The following PPP2R5A variants were observed in gnomAD, a reference collection of about 807,000 sequenced individuals.
PPP2R5A encodes the protein protein phosphatase 2 regulatory subunit B'alpha, also known as serine/threonine-protein phosphatase 2A 56 kDa regulatory subunit alpha isoform.
Under a neutral mutation model 64.2 loss-of-function variants are expected in PPP2R5A, and 25 were observed. The observed-to-expected ratio is 0.39, with a 90% CI of 0.28 to 0.54. PPP2R5A has a LOEUF of 0.54. Among genes scored for constraint, PPP2R5A ranks in the 20% least tolerant of loss-of-function variants. The pLI is 0.67. For synonymous variants in PPP2R5A, 198 were observed against 201.2 expected (o/e 0.98, Z 0.13); for missense variants, 425 against 576.3 (o/e 0.74, Z 2.69).
Position 212,348,460 on chromosome 1 carries a change from T to C in PPP2R5A, c.836T>C (p.Met279Thr), listed in dbSNP as rs778186085. 1.1e-5 allele frequency: 17 copies of C among 1,606,094 alleles called. No homozygotes were observed. Among genetic ancestry groups the C allele is most frequent in the Non-Finnish European group, 1.3e-5 (15 of 1,173,888 alleles). Reference protein sequence around the residue: ...KQFLMKVLIPMHTAKGLALFH... With the variant: ...KQFLMKVLIPTHTAKGLALFH... ...TTTCTAATGAAGGTTCTTATTCCTA[T>C]GCATACTGCAAAAGGATTAGCTTTG... The change falls in exon 7 of 13, where the codon ATG (methionine) becomes ACG (threonine). Residue 279 changes from methionine to threonine, a missense_variant. Coordinates refer to ENST00000261461, the MANE Select transcript of PPP2R5A (RefSeq NM_006243.4).
intron 3 of PPP2R5A, among the ~76,000 whole-genome samples, chr1:212,337,713 T>C (rs1317741864): frequency 5.3e-5 from 8 of 152,248 alleles, no homozygotes; most frequent in South Asian, 4.1e-4. Context: ...TTAGTTCTTA[T>C]GGATAAAAGA....
chr1:212,347,980 A>C (rs1308777555), intron 6 of PPP2R5A, among the ~76,000 whole-genome samples: 1 of 152,200 alleles, frequency 6.6e-6, no homozygotes, highest in Non-Finnish European at 1.5e-5. Context: ...ATAGTAGAAA[A>C]TGATTGTGGA....
chr1:212,328,032 C>G (rs1156469448), intron 1 of PPP2R5A, among the ~76,000 whole-genome samples: 2 of 152,230 alleles, frequency 1.3e-5, no homozygotes, highest in Non-Finnish European at 2.9e-5. Context: ...CAAGGCTGGT[C>G]TCGAACTCAT....
Position 212,311,251 on chromosome 1 carries a change from G to A in PPP2R5A, c.182-17884G>A, listed in dbSNP as rs994493080. On this transcript the variant is annotated intron_variant, in intron 1 of 12. Coordinates refer to ENST00000261461, the MANE Select transcript of PPP2R5A (RefSeq NM_006243.4). ...CGGGAGGCTGAGGCAGGCGGATCAC[G>A]AGGTCGGGAGATCGAGACCATCCTG... Among the ~76,000 whole-genome samples the A allele has an allele frequency of 2.6e-5, 4 of 152,126 alleles. 1 individual carries two copies. The highest frequency in any genetic ancestry group is 4.1e-4 in the South Asian group (2 of 4,830).
rs764061578 is a variant in PPP2R5A, at chr1:212,357,302, A to G, written c.1226+18A>G. 2.6e-6 allele frequency: 4 copies of G among 1,518,118 alleles called. No homozygotes were observed. The East Asian group carries it at 9.5e-5, about 36-fold the overall frequency. The allele number at this position is 1,518,118 out of a possible 1,614,324, so 94.0% of individuals were successfully genotyped here. A position where few individuals can be genotyped will look rare whatever the true frequency, so the allele number is the denominator to read the frequency against. The stretch of plus-strand genomic sequence containing the variant: ...TGGAATCCGTAAGTATCTTTTATAT[A>G]GGTCGTATTTTTTTCTTTTTTTTTT... On this transcript the variant is annotated intron_variant, in intron 11 of 12. Coordinates refer to ENST00000261461, the MANE Select transcript of PPP2R5A (RefSeq NM_006243.4).
intron 1 of PPP2R5A, among the ~76,000 whole-genome samples, chr1:212,318,289 C>G (rs1442904853): frequency 7.3e-6 from 1 of 136,246 alleles, no homozygotes; most frequent in Non-Finnish European, 1.7e-5. Flanking sequence ...CAAGGCATAT[C>G]TGTTTTTTTT....
At chr1:212,310,393 C>T (rs1659007085) in intron 1 of PPP2R5A, among the ~76,000 whole-genome samples, 1 of 152,094 alleles carries the variant, frequency 6.6e-6, no homozygotes, top group East Asian at 1.9e-4. Context: ...AAAACCTCCA[C>T]TGTTTTTAAG....
intron 1 of PPP2R5A, among the ~76,000 whole-genome samples, chr1:212,301,078 A>G (rs372947733): frequency 1.2e-4 from 18 of 152,204 alleles, no homozygotes; most frequent in East Asian, 5.8e-4. Flanking sequence ...CAGTGGTGCA[A>G]TCTCCTCACT....
chr1:212,344,561 A>G (rs112515018), intron 4 of PPP2R5A, among the ~76,000 whole-genome samples: 44 of 152,334 alleles, frequency 2.9e-4, no homozygotes, highest in African/African-American at 9.6e-4. Context: ...AATTATAAAC[A>G]CGAAAGTTCA....
chr1:212,317,425 T>A (rs58843897), intron 1 of PPP2R5A, among the ~76,000 whole-genome samples: 1 of 152,274 alleles, frequency 6.6e-6, no homozygotes, highest in South Asian at 2.1e-4. Context: ...CTTTATGATC[T>A]TGGGCATGCT....
At chr1:212,336,399 G>A (rs1376117194) in intron 3 of PPP2R5A, among the ~76,000 whole-genome samples, 1 of 152,160 alleles carries the variant, frequency 6.6e-6, no homozygotes, top group Non-Finnish European at 1.5e-5. Flanking sequence ...ACAGGCATGA[G>A]CCACTGTGTC....
chr1:212,285,815 C>G lies in PPP2R5A; in HGVS notation c.-296C>G. The G allele has an allele frequency of 6.4e-6, 2 of 310,208 alleles. No homozygotes were observed. Among genetic ancestry groups the G allele is most frequent in the East Asian group, 5.4e-5 (1 of 18,570 alleles). The allele number at this position is 310,208 out of a possible 1,614,324, so 19.2% of individuals were successfully genotyped here. On this transcript the variant is annotated 5_prime_UTR_variant, in exon 1 of 13. Coordinates refer to ENST00000261461, the MANE Select transcript of PPP2R5A (RefSeq NM_006243.4). ...AACTTCGGGCTCTCTTCCACCCGCTCTGCGCGCCCAGAGTCAACAACTTCT... is the reference window on the plus strand; with the variant it reads ...AACTTCGGGCTCTCTTCCACCCGCTGTGCGCGCCCAGAGTCAACAACTTCT...
intron 1 of PPP2R5A, chr1:212,319,476 C>G (rs1297546404): frequency 6.6e-6 from 1 of 152,112 alleles, no homozygotes; most frequent in Non-Finnish European, 1.5e-5. Flanking sequence ...AGCCCAATTG[C>G]CAGACTAAAA....
At chr1:212,339,147 A>G (rs769584050) in intron 3 of PPP2R5A, among the ~76,000 whole-genome samples, 1 of 151,950 alleles carries the variant, frequency 6.6e-6, no homozygotes, top group Admixed American at 6.6e-5. Flanking sequence ...TGTTTCTTCT[A>G]CCTCTATTTG....
chr1:212,354,725 T>TGAGA lies in PPP2R5A; in HGVS notation c.928-1882_928-1879dup, dbSNP rs67572683. Among the ~76,000 whole-genome samples the TGAGA allele has an allele frequency of 8.0e-4, 118 of 147,104 alleles. 1 individual carries two copies. Among genetic ancestry groups the TGAGA allele is most frequent in the African/African-American group, 2.7e-3 (106 of 39,916 alleles). Reference sequence around the variant, plus strand: ...CCTCATCAAAAAGAGAGAGAAATGTTGAGAGAGAGAGAGAGAGAGAGAAAT... The same window carrying TGAGA: ...CCTCATCAAAAAGAGAGAGAAATGTTGAGAGAGAGAGAGAGAGAGAGAGAGAAAT... On this transcript the variant is annotated intron_variant, in intron 8 of 12. Transcript: ENST00000261461.
chr1:212,342,034 A>C (rs572835461), intron 3 of PPP2R5A, among the ~76,000 whole-genome samples, 154 bp from the exon 4 acceptor site: 1 of 152,262 alleles, frequency 6.6e-6, no homozygotes, highest in Admixed American at 6.5e-5. Context: ...AATTTTTAAA[A>C]AAAATTTTTT....
At chr1:212,292,374 T>G (rs934738810) in intron 1 of PPP2R5A, among the ~76,000 whole-genome samples, 1 of 152,206 alleles carries the variant, frequency 6.6e-6, no homozygotes, top group Admixed American at 6.5e-5. Flanking sequence ...GCAGAGTCAT[T>G]ATCTGTTTTT....
intron 1 of PPP2R5A, 51 bp downstream of exon 1, chr1:212,286,342 T>C (rs1336939570): frequency 1.4e-6 from 2 of 1,405,358 alleles, no homozygotes; most frequent in South Asian, 3.0e-5. Context: ...CTGGCAACGC[T>C]TGCCTCTGCG....
intron 7 of PPP2R5A, 80 bp from the exon 8 acceptor site, chr1:212,349,109 A>G (rs1659833021): frequency 2.0e-6 from 2 of 989,886 alleles, no homozygotes; most frequent in African/African-American, 3.3e-5. Context: ...GGTAGTCTAA[A>G]AAATATTGGC....
Sources: allele counts gnomAD v4.1 joint callset (sites outside exome capture counted in the v4.1 genomes callset), GRCh38; gene constraint gnomAD v4.1.1; transcripts MANE v1.5; gene names NCBI Gene and HGNC (gene_info 2026-07-23, HGNC 2026-07-21).